Variants in TMEM114 observed in about 807,000 individuals in gnomAD.
TMEM114 encodes transmembrane protein 114.
TMEM114 carries 6 observed loss-of-function variants against 6.2 expected under a neutral mutation model. The ratio of observed to expected loss-of-function variants is 0.97; its 90% CI spans 0.53 to 1.91. The LOEUF is 1.91. TMEM114 is among the 40% of genes most tolerant of loss of function. TMEM114 has a pLI of 0.01. For synonymous variants in TMEM114, 104 were observed against 73.0 expected (o/e 1.42, Z -2.16); for missense variants, 218 against 158.3 (o/e 1.38, Z -2.02).
chr16:8,561,370 C>T (rs1901193600), intron 2 of TMEM114, among the ~76,000 whole-genome samples: 2 of 152,342 alleles, frequency 1.3e-5, no homozygotes, highest in South Asian at 4.1e-4. Context: ...CACCTTCTCC[C>T]CATCTGCTTT....
At chr16:8,572,623 A>T (rs555816793) in intron 2 of TMEM114, among the ~76,000 whole-genome samples, 21 of 152,222 alleles carry the variant, frequency 1.4e-4, no homozygotes, top group African/African-American at 4.8e-4. Flanking sequence ...TTTGGTAAAG[A>T]TGAAGTCTTG....
chr16:8,582,886 G>A (rs896976686), intron 2 of TMEM114, among the ~76,000 whole-genome samples: 1 of 151,970 alleles, frequency 6.6e-6, no homozygotes, highest in African/African-American at 2.4e-5. Context: ...GCAACAGAGT[G>A]AGACAAGAAA....
intron 2 of TMEM114, among the ~76,000 whole-genome samples, chr16:8,541,510 C>A (rs555709258): frequency 6.6e-6 from 1 of 152,204 alleles, no homozygotes; most frequent in Non-Finnish European, 1.5e-5. Flanking sequence ...GGGGAAAGAT[C>A]TCAGTGTAAC....
At chr16:8,560,154 G>T (rs1445142982) in intron 2 of TMEM114, among the ~76,000 whole-genome samples, 1 of 151,246 alleles carries the variant, frequency 6.6e-6, no homozygotes, top group Non-Finnish European at 1.5e-5. Flanking sequence ...CACCATACCC[G>T]GCTATTTTTT....
intron 2 of TMEM114, among the ~76,000 whole-genome samples, chr16:8,583,767 C>T (rs1252806358): frequency 6.6e-6 from 1 of 151,898 alleles, no homozygotes; most frequent in East Asian, 1.9e-4. Flanking sequence ...AAAAGTCACA[C>T]AGCTAGCAAG....
At chr16:8,557,567 A>C (rs1042357885) in intron 2 of TMEM114, among the ~76,000 whole-genome samples, 2 of 152,204 alleles carry the variant, frequency 1.3e-5, no homozygotes, top group Non-Finnish European at 2.9e-5. Flanking sequence ...AGTTTTGGCC[A>C]CTACATCTTG....
At chr16:8,584,201 T>C (rs1312192201) in intron 2 of TMEM114, among the ~76,000 whole-genome samples, 2 of 152,236 alleles carry the variant, frequency 1.3e-5, no homozygotes, top group East Asian at 3.8e-4. Flanking sequence ...CCAGCAGACA[T>C]GAGCTTTTCA....
At chr16:8,583,743 G>A (rs1300796105) in intron 2 of TMEM114, among the ~76,000 whole-genome samples, 4 of 151,280 alleles carry the variant, frequency 2.6e-5, no homozygotes, top group Non-Finnish European at 5.9e-5. Flanking sequence ...GCAAGACCAT[G>A]TCTCAAAAAA....
chr16:8,526,976 G>C, the TMEM114 span, among the ~76,000 whole-genome samples: 15 of 152,198 alleles, frequency 9.9e-5, no homozygotes, highest in African/African-American at 3.6e-4. Context: ...TGGAGGCCAA[G>C]ACAGGTGGAT....
intron 2 of TMEM114, among the ~76,000 whole-genome samples, chr16:8,587,108 A>G (rs1902344452): frequency 6.6e-6 from 1 of 152,192 alleles, no homozygotes; most frequent in Non-Finnish European, 1.5e-5. Flanking sequence ...GGCAAATGCT[A>G]CAAACCAGGG....
intron 2 of TMEM114, among the ~76,000 whole-genome samples, chr16:8,542,949 G>C (rs1481063349): frequency 1.3e-5 from 2 of 152,230 alleles, no homozygotes; most frequent in East Asian, 1.9e-4. Flanking sequence ...CTATATATTT[G>C]ACATAATTAC....
At position 8,570,024 on chromosome 16, in the gene TMEM114, G is replaced by C; in HGVS notation, c.440-19C>G. 1.9e-6 allele frequency: 3 copies of C among 1,541,962 alleles called. No homozygotes were observed. Among genetic ancestry groups the C allele is most frequent in the South Asian group, 2.4e-5 (2 of 83,604 alleles). The stretch of plus-strand genomic sequence containing the variant: ...ACCATGGCTGCAGGGAGGGCAAAGG[G>C]AGAGCAGATCAATCCCCCACCCCGC... On this transcript the variant is annotated intron_variant, in intron 3 of 3. Coordinates refer to ENST00000620492, the MANE Select transcript of TMEM114 (RefSeq NM_001146336.2).
At chr16:8,535,292 G>T (rs1388784807), downstream of TMEM114, among the ~76,000 whole-genome samples, 1 of 152,162 alleles carries the variant, frequency 6.6e-6, no homozygotes. Context: ...AAGTAGCAAG[G>T]ACTTTTTTAT....
At chr16:8,562,952 G>C (rs28972092) in intron 2 of TMEM114, among the ~76,000 whole-genome samples, 1 of 67,782 alleles carries the variant, frequency 1.5e-5, no homozygotes, top group African/African-American at 4.8e-5. Flanking sequence ...GAGTAAATGA[G>C]TGAGTGAATG....
intron 2 of TMEM114, among the ~76,000 whole-genome samples, chr16:8,548,617 A>T (rs1900745926): frequency 6.6e-6 from 1 of 151,026 alleles, no homozygotes; most frequent in Non-Finnish European, 1.5e-5. Context: ...AGAGCAAATT[A>T]TCTGAGCAGA....
intron 2 of TMEM114, among the ~76,000 whole-genome samples, chr16:8,548,655 C>G (rs189991666): frequency 2.1e-5 from 3 of 145,198 alleles, no homozygotes; most frequent in African/African-American, 8.0e-5. Flanking sequence ...ATTTTTTGTC[C>G]TTTTCTTGCC....
chr16:8,530,903 T>A, the TMEM114 span, among the ~76,000 whole-genome samples: 8 of 152,046 alleles, frequency 5.3e-5, no homozygotes, highest in African/African-American at 1.9e-4. Flanking sequence ...CATACGCATA[T>A]AATCCCAGCT....
chr16:8,574,014 A>G (rs1901829132), intron 2 of TMEM114, among the ~76,000 whole-genome samples: 2 of 152,200 alleles, frequency 1.3e-5, no homozygotes, highest in Non-Finnish European at 2.9e-5. Flanking sequence ...TGAGTGAATG[A>G]GTGAATTTTG....
chr16:8,563,402 C>T (rs8051951), intron 2 of TMEM114, among the ~76,000 whole-genome samples: 129,721 of 145,006 alleles, frequency 0.89, 58,022 homozygotes, highest in African/African-American at 0.94. Context: ...AATGAGTAAA[C>T]GAGTGAGTTA....
Sources: gnomAD v4.1 joint callset for allele counts (sites outside exome capture counted in the v4.1 genomes callset) on GRCh38, gnomAD v4.1.1 for gene constraint, MANE v1.5 for transcripts, NCBI Gene and HGNC (gene_info 2026-07-23, HGNC 2026-07-21) for gene names.